The following CCDC7 variants were observed in gnomAD, a reference collection of about 807,000 sequenced individuals.
The protein encoded by CCDC7 is coiled-coil domain containing 7, also known as coiled-coil domain-containing protein 7.
CCDC7 carries 183 observed loss-of-function variants against 196.9 expected under a neutral mutation model. The ratio of observed to expected loss-of-function variants is 0.93; its 90% CI spans 0.82 to 1.05. The LOEUF (loss-of-function observed/expected upper bound fraction) is 1.05. Ranked by LOEUF, CCDC7 falls within the 50% of genes least tolerant of loss-of-function variation. The pLI is 0.00. For missense variants in CCDC7, 1,540 were observed against 1,482.2 expected (o/e 1.04, Z -0.64); for synonymous variants, 525 against 484.6 (o/e 1.08, Z -1.10).
At chr10:32,614,725 C>T (rs1378585030) in intron 18 of CCDC7, among the ~76,000 whole-genome samples, 1 of 152,120 alleles carries the variant, frequency 6.6e-6, no homozygotes, top group African/African-American at 2.4e-5. Context: ...TCACACACAC[C>T]ACTGGGGAAA....
At chr10:32,516,178 ATAATT>A (rs2047001763) in intron 9 of CCDC7, among the ~76,000 whole-genome samples, 1 of 152,220 alleles carries the variant, frequency 6.6e-6, no homozygotes, top group South Asian at 2.1e-4. Flanking sequence ...AAAAAGATAA[ATAATT>A]CAATTAAAAA....
At chr10:32,867,955 T>C (rs563318560) in intron 41 of CCDC7, among the ~76,000 whole-genome samples, 1 of 152,010 alleles carries the variant, frequency 6.6e-6, no homozygotes, top group African/African-American at 2.4e-5. Flanking sequence ...CAACCATCAT[T>C]CTACTTTTTG....
chr10:32,696,555 A>G (rs1213051606), intron 24 of CCDC7, among the ~76,000 whole-genome samples: 1 of 152,022 alleles, frequency 6.6e-6, no homozygotes, highest in Non-Finnish European at 1.5e-5. Flanking sequence ...ATTCAATGGT[A>G]GAAGAGGAGA....
downstream of CCDC7, chr10:32,877,040 C>A (rs534185290): frequency 6.6e-6 from 1 of 152,042 alleles, no homozygotes; most frequent in South Asian, 2.1e-4. Context: ...GAGGAATGAG[C>A]AGTAATATTA....
chr10:32,540,422 G>A (rs948746119), intron 11 of CCDC7, among the ~76,000 whole-genome samples: 2 of 152,116 alleles, frequency 1.3e-5, no homozygotes, highest in Non-Finnish European at 2.9e-5. Context: ...GTCATTGCCT[G>A]TGAGATGGAT....
upstream of CCDC7, chr10:32,446,030 C>T (rs2030831784): frequency 6.6e-6 from 1 of 152,212 alleles, no homozygotes; most frequent in Non-Finnish European, 1.5e-5. Context: ...TCCCCACAGC[C>T]GCCAAACTGC....
chr10:32,876,505 G>A, downstream of CCDC7: 1 of 1,039,498 alleles, frequency 9.6e-7, no homozygotes, highest in Admixed American at 2.3e-5. Flanking sequence ...TGTGGATGGT[G>A]CTTATTGAAA....
chr10:32,639,029 T>C (rs970260045), intron 20 of CCDC7, among the ~76,000 whole-genome samples: 1 of 152,234 alleles, frequency 6.6e-6, no homozygotes, highest in Non-Finnish European at 1.5e-5. Flanking sequence ...GAGATGTGTA[T>C]AGTATTCTCT....
intron 28 of CCDC7, among the ~76,000 whole-genome samples, chr10:32,730,139 CTGCCCCTCCTCT>C (rs1216333259): frequency 3.3e-5 from 5 of 152,082 alleles, no homozygotes; most frequent in African/African-American, 1.2e-4. Context: ...CTTCCTGATG[CTGCCCCTCCTCT>C]TGCCCCCCAC....
At chr10:32,565,185 G>A (rs1202705622) in intron 13 of CCDC7, among the ~76,000 whole-genome samples, 4 of 152,130 alleles carry the variant, frequency 2.6e-5, no homozygotes, top group Non-Finnish European at 4.4e-5. Flanking sequence ...GGAACATCAT[G>A]TGTAATAGAA....
At chr10:32,843,360 T>C (rs2093094820) in intron 33 of CCDC7, among the ~76,000 whole-genome samples, 2 of 151,974 alleles carry the variant, frequency 1.3e-5, no homozygotes, top group South Asian at 4.1e-4. Flanking sequence ...AATAATGCTA[T>C]ATGGGAGTAA....
chr10:32,697,498 G>T (rs2077912377), intron 24 of CCDC7, among the ~76,000 whole-genome samples: 1 of 152,218 alleles, frequency 6.6e-6, no homozygotes, highest in Non-Finnish European at 1.5e-5. Flanking sequence ...AATGGTCTTA[G>T]CAAAAGGCGC....
chr10:32,851,901 C>T, exon 40 of CCDC7: 2 of 1,607,404 alleles, frequency 1.2e-6, no homozygotes, highest in Non-Finnish European at 1.7e-6. Context: ...CTAAAGACAT[C>T]CACCTTCCTT....
chr10:32,674,028 G>A (rs1294494579), intron 21 of CCDC7, among the ~76,000 whole-genome samples: 2 of 151,476 alleles, frequency 1.3e-5, no homozygotes, highest in Non-Finnish European at 1.5e-5. Context: ...CTAATAGTGT[G>A]TCAATTTTCT....
intron 28 of CCDC7, among the ~76,000 whole-genome samples, chr10:32,761,440 T>C: frequency 6.6e-6 from 1 of 151,944 alleles, no homozygotes; most frequent in East Asian, 1.9e-4. Flanking sequence ...GACCATGTCT[T>C]TGATACCTTA....
intron 20 of CCDC7, among the ~76,000 whole-genome samples, chr10:32,644,279 C>G (rs534713698): frequency 6.6e-6 from 1 of 152,264 alleles, no homozygotes; most frequent in East Asian, 1.9e-4. Flanking sequence ...TACTGTGGAA[C>G]AGAACACTAA....
chr10:32,805,023 A>G, exon 30 of CCDC7: 1 of 1,606,978 alleles, frequency 6.2e-7, no homozygotes, highest in African/African-American at 1.3e-5. Context: ...AGAGACTGAT[A>G]TAGAAAGCTT....
chr10:32,450,927 G>A (rs750489159), upstream of CCDC7, among the ~76,000 whole-genome samples: 5 of 152,014 alleles, frequency 3.3e-5, no homozygotes, highest in Non-Finnish European at 7.4e-5. Flanking sequence ...GGTTTCTTAA[G>A]TTAAAAAATT....
chr10:32,726,264 G>C (rs1234926470), intron 25 of CCDC7, among the ~76,000 whole-genome samples: 2 of 151,542 alleles, frequency 1.3e-5, no homozygotes, highest in Non-Finnish European at 2.9e-5. Context: ...AATATGTATA[G>C]AATTATATAT....
Sources: gnomAD v4.1 joint callset for allele counts (sites outside exome capture counted in the v4.1 genomes callset) on GRCh38, gnomAD v4.1.1 for gene constraint, MANE v1.5 for transcripts, NCBI Gene and HGNC (gene_info 2026-07-23, HGNC 2026-07-21) for gene names.